FMN1: variants seen among roughly 807,000 people sequenced by gnomAD.
FMN1 encodes the protein formin 1, also known as formin-1.
Under a neutral mutation model 132.4 loss-of-function variants are expected in FMN1, and 110 were observed. The observed-to-expected ratio is 0.83, with a 90% CI of 0.71 to 0.97. The LOEUF (loss-of-function observed/expected upper bound fraction) is 0.97, where lower values mean the gene tolerates loss of function less well. Among genes scored for constraint, FMN1 ranks in the 50% least tolerant of loss-of-function variants. The pLI is 0.00. For synonymous variants in FMN1, 722 were observed against 651.7 expected, an observed-to-expected ratio of 1.11 and a Z score of -1.64; for missense variants, 1,792 against 1,705.3, an observed-to-expected ratio of 1.05 and a Z score of -0.90.
chr15:33,009,808 A>C (rs1402074458), intron 6 of FMN1, among the ~76,000 whole-genome samples: 1 of 152,222 alleles, frequency 6.6e-6, no homozygotes, highest in Non-Finnish European at 1.5e-5. Context: ...TGAATGCATA[A>C]ACAAATGATA....
chr15:32,802,646 G>A (rs2140996824), intron 18 of FMN1, among the ~76,000 whole-genome samples: 1 of 152,314 alleles, frequency 6.6e-6, no homozygotes. Flanking sequence ...ATGCACGGCA[G>A]CAGTTTCGGC....
intron 20 of FMN1, among the ~76,000 whole-genome samples, chr15:32,775,235 C>T (rs1005538920): frequency 5.3e-5 from 8 of 152,164 alleles, no homozygotes; most frequent in African/African-American, 1.7e-4. Context: ...CGACACCCAT[C>T]CTAAATTTGG....
chr15:32,807,671 A>G (rs1169702593), intron 17 of FMN1, among the ~76,000 whole-genome samples: 2 of 152,232 alleles, frequency 1.3e-5, no homozygotes, highest in African/African-American at 4.8e-5. Flanking sequence ...AACTGAATTG[A>G]GCATCAGGTA....
At chr15:32,846,104 A>T (rs564069143) in intron 17 of FMN1, among the ~76,000 whole-genome samples, 3 of 152,314 alleles carry the variant, frequency 2.0e-5, no homozygotes, top group South Asian at 2.1e-4. Flanking sequence ...AAAACACAAC[A>T]TTTTATTGTG....
chr15:33,097,467 A>G (rs2039132656), intron 4 of FMN1, among the ~76,000 whole-genome samples: 1 of 152,204 alleles, frequency 6.6e-6, no homozygotes, highest in African/African-American at 2.4e-5. Flanking sequence ...AAACTACAAT[A>G]AATAAACTGG....
intron 7 of FMN1, among the ~76,000 whole-genome samples, chr15:33,005,112 CACA>C (rs1384065915): frequency 2.0e-5 from 3 of 151,910 alleles, no homozygotes; most frequent in East Asian, 3.9e-4. Context: ...ATGAGTGCAG[CACA>C]ACAACATGGC....
At chr15:33,082,042 TGTGTGTGTGTG>T (rs1350359665) in intron 5 of FMN1, among the ~76,000 whole-genome samples, 7 of 139,318 alleles carry the variant, frequency 5.0e-5, no homozygotes, top group Non-Finnish European at 9.7e-5. Flanking sequence ...TGTGTGTGTG[TGTGTGTGTGTG>T]TAAGACGGAG....
chr15:32,998,680 C>T (rs539868237), intron 7 of FMN1, among the ~76,000 whole-genome samples: 4 of 152,152 alleles, frequency 2.6e-5, no homozygotes, highest in Admixed American at 2.0e-4. Flanking sequence ...AGCAGTAGCC[C>T]GTCACCTAAA....
At chr15:32,983,402 G>T (rs2032834630) in intron 7 of FMN1, among the ~76,000 whole-genome samples, 1 of 152,186 alleles carries the variant, frequency 6.6e-6, no homozygotes, top group Admixed American at 6.5e-5. Flanking sequence ...ATTGTTTACG[G>T]TAATGGAAAT....
At chr15:32,784,752 G>A (rs554309559) in intron 19 of FMN1, among the ~76,000 whole-genome samples, 1 of 152,288 alleles carries the variant, frequency 6.6e-6, no homozygotes, top group South Asian at 2.1e-4. Flanking sequence ...AGATGAACCA[G>A]ACTGTGGAAA....
intron 8 of FMN1, among the ~76,000 whole-genome samples, chr15:32,966,728 C>T (rs1424868369): frequency 6.6e-6 from 1 of 152,144 alleles, no homozygotes; most frequent in African/African-American, 2.4e-5. Flanking sequence ...TTTCTGGCTT[C>T]CCAGAAGAGC....
intron 16 of FMN1, among the ~76,000 whole-genome samples, chr15:32,875,490 G>A (rs971355775): frequency 2.6e-5 from 4 of 152,238 alleles, no homozygotes; most frequent in Non-Finnish European, 5.9e-5. Flanking sequence ...TAAGTGGCAT[G>A]GCAGAGACTG....
chr15:32,929,799 T>C (rs2061059902), intron 9 of FMN1, among the ~76,000 whole-genome samples: 3 of 151,114 alleles, frequency 2.0e-5, no homozygotes, highest in Admixed American at 2.0e-4. Context: ...AATATTCCAC[T>C]GTATGTACAC....
chr15:33,009,639 T>G lies in FMN1; in HGVS notation c.2162-1564A>C, dbSNP rs375266619. Among the ~76,000 whole-genome samples the G allele has an allele frequency of 2.6e-5, 4 of 152,334 alleles. No homozygotes were observed. In the East Asian group the frequency reaches 7.7e-4, roughly 29 times the overall value. On this transcript the variant is annotated intron_variant, in intron 6 of 20. Coordinates refer to ENST00000616417, the MANE Select transcript of FMN1 (RefSeq NM_001277313.2). ...ATATATCAGGCATTATTCTAAGTCT[T>G]ACTTTATCAACTCATTTCATCTCCA...
At chr15:33,109,966 A>T (rs345769) in intron 4 of FMN1, among the ~76,000 whole-genome samples, 49,993 of 151,936 alleles carry the variant, frequency 0.33, 8,911 homozygotes, top group Admixed American at 0.41. Context: ...TCACCTAGCA[A>T]CTGGACACAG....
intron 9 of FMN1, among the ~76,000 whole-genome samples, chr15:32,963,613 G>C (rs2030854132): frequency 6.6e-6 from 1 of 152,048 alleles, no homozygotes; most frequent in African/African-American, 2.4e-5. Context: ...TGCAGGCCTG[G>C]AACAAATGCC....
At position 32,900,374 on chromosome 15, in the gene FMN1, T is replaced by C. The variant is rs1470546298; in HGVS notation, c.3508-249A>G. 4.8e-6 allele frequency: 3 copies of C among 624,852 alleles called. No individual in the cohort carries two copies. The East Asian group carries it at 8.9e-5, about 19-fold the overall frequency. The allele number at this position is 624,852 out of a possible 1,614,324, so 38.7% of individuals were successfully genotyped here. A position where few individuals can be genotyped will look rare whatever the true frequency, so the allele number is the denominator to read the frequency against. ...CATGTTTTAATACATGAGGATTAAC[T>C]ATTGGTTTTATATTTTCATTTGAGC... On this transcript the variant is annotated intron_variant, in intron 13 of 20. Coordinates refer to ENST00000616417, the MANE Select transcript of FMN1 (RefSeq NM_001277313.2).
At chr15:32,960,091 C>G (rs1317035688) in intron 9 of FMN1, among the ~76,000 whole-genome samples, 1 of 152,212 alleles carries the variant, frequency 6.6e-6, no homozygotes, top group African/African-American at 2.4e-5. Context: ...GCAGGCTTAC[C>G]TCCATCTCAT....
intron 17 of FMN1, among the ~76,000 whole-genome samples, chr15:32,804,884 C>T (rs1233137296): frequency 6.6e-6 from 1 of 152,162 alleles, no homozygotes; most frequent in African/African-American, 2.4e-5. Context: ...TGTATATGTG[C>T]CACATTTTCT....
Sources: allele counts gnomAD v4.1 joint callset (sites outside exome capture counted in the v4.1 genomes callset), GRCh38; gene constraint gnomAD v4.1.1; transcripts MANE v1.5; gene names NCBI Gene and HGNC (gene_info 2026-07-23, HGNC 2026-07-21).